The following FAM118B variants were observed in gnomAD, a reference collection of about 807,000 sequenced individuals.
The protein encoded by FAM118B is SIR2 antiphage like 1, also known as protein FAM118B.
A neutral mutation model predicts 38.5 loss-of-function variants in FAM118B; 24 were observed. The ratio of observed to expected loss-of-function variants is 0.62; its 90% CI spans 0.45 to 0.88. The LOEUF (loss-of-function observed/expected upper bound fraction) is 0.88. Among genes scored for constraint, FAM118B ranks in the 40% least tolerant of loss-of-function variants. The pLI is 0.00. For synonymous variants in FAM118B, 138 were observed against 156.3 expected (o/e 0.88, Z 0.87); for missense variants, 334 against 420.0 (o/e 0.80, Z 1.79).
At chr11:126,249,600 A>G (rs2135196351) in intron 4 of FAM118B, among the ~76,000 whole-genome samples, 1 of 152,060 alleles carries the variant, frequency 6.6e-6, no homozygotes, top group Non-Finnish European at 1.5e-5. Context: ...GCACAGTGGC[A>G]GGCGCCTGTA....
rs768983486 is a variant in FAM118B, at chr11:126,256,844, G to A, written c.974G>A (p.Gly325Asp). The A allele has an allele frequency of 9.3e-6, 15 of 1,609,576 alleles. No homozygotes were observed. Among genetic ancestry groups the A allele is most frequent in the Admixed American group, 5.1e-5 (3 of 59,264 alleles). ...KRLTCEISTR[G>D]TSAGMVREGQ... ...CTGACATGTGAGATCTCCACAAGGG[G>A]TACATCAGGTAAGATGCATTTTGAA... The change falls in exon 7 of 9, where the codon GGT (glycine) becomes GAT (aspartate). Residue 325 changes from glycine to aspartate, a missense_variant. Coordinates refer to ENST00000533050, the MANE Select transcript of FAM118B (RefSeq NM_024556.4). The surrounding 1 kb of genome is among the most constrained non-coding windows in gnomAD (Gnocchi z 6.6).
At chr11:126,234,924 A>T (rs2135156200) in intron 2 of FAM118B, 71 bp from the exon 3 acceptor site, 4 of 1,242,476 alleles carry the variant, frequency 3.2e-6, no homozygotes, top group East Asian at 4.8e-5. Context: ...TAAACTGTTT[A>T]ATATATGTGC....
Position 126,240,878 on chromosome 11 carries a change from A to C in FAM118B, c.173A>C (p.Gln58Pro). 2 of 1,614,190 alleles carry C rather than the reference A, an allele frequency of 1.2e-6. No homozygotes were observed. The highest frequency in any genetic ancestry group is 1.7e-6 in the Non-Finnish European group (2 of 1,180,030). Residue 58 changes from glutamine to proline, a missense_variant, in exon 4 of 9, where the codon CAA (glutamine) becomes CCA (proline). This residue lies in a region of FAM118B where 240 missense variants were observed against 295.9 expected (regional missense o/e 0.81). Transcript: ENST00000533050. ...GGCATTAGTGCTGCAGTTGCGCCCCAAGTTCCAGCCCTCAAATCCTGGAAG... is the reference window on the plus strand; with the variant it reads ...GGCATTAGTGCTGCAGTTGCGCCCCCAGTTCCAGCCCTCAAATCCTGGAAG... ...GTGISAAVAP[Q>P]VPALKSWKGL...
intron 4 of FAM118B, among the ~76,000 whole-genome samples, chr11:126,246,958 T>C (rs1264773522): frequency 1.3e-5 from 2 of 152,096 alleles, no homozygotes; most frequent in African/African-American, 2.4e-5. Flanking sequence ...AAAAAAACTT[T>C]CCAGCCTGGG....
intron 1 of FAM118B, among the ~76,000 whole-genome samples, chr11:126,224,593 T>C (rs1950114853): frequency 6.6e-6 from 1 of 150,596 alleles, no homozygotes; most frequent in African/African-American, 2.5e-5. Flanking sequence ...TGGTGGAGGG[T>C]ATAATTTTAA....
At chr11:126,227,815 T>A (rs1950162734) in intron 1 of FAM118B, among the ~76,000 whole-genome samples, 1 of 152,166 alleles carries the variant, frequency 6.6e-6, no homozygotes, top group Admixed American at 6.5e-5. Flanking sequence ...ATTTATTTAT[T>A]TTTGAGATGG....
At chr11:126,213,397 T>C (rs556610022) in intron 1 of FAM118B, among the ~76,000 whole-genome samples, 1 of 152,276 alleles carries the variant, frequency 6.6e-6, no homozygotes, top group South Asian at 2.1e-4. Flanking sequence ...TTGGGAAACA[T>C]CTGTTTCTCC....
intron 1 of FAM118B, chr11:126,214,193 CA>C (rs111316304): frequency 1.8e-4 from 26 of 142,488 alleles, no homozygotes; most frequent in African/African-American, 3.1e-4. Flanking sequence ...ACTAAAAATA[CA>C]AAAAAAAAAT....
intron 4 of FAM118B, among the ~76,000 whole-genome samples, chr11:126,245,979 G>A (rs1327742307): frequency 2.0e-5 from 3 of 149,766 alleles, no homozygotes; most frequent in Admixed American, 1.3e-4. Context: ...CTGGGCAACA[G>A]GTACGAGACT....
intron 2 of FAM118B, chr11:126,233,590 C>A: frequency 2.6e-6 from 1 of 377,400 alleles, no homozygotes; most frequent in South Asian, 2.0e-5. Flanking sequence ...CCCCAGCTTT[C>A]TCACCAACAG....
At chr11:126,235,551 C>T (rs1591512436) in intron 3 of FAM118B, among the ~76,000 whole-genome samples, 1 of 151,916 alleles carries the variant, frequency 6.6e-6, no homozygotes. Context: ...CAGAGTCTTG[C>T]TGTGTCGCCC....
Position 126,256,607 on chromosome 11 carries a change from T to A in FAM118B, c.737T>A (p.Phe246Tyr). Reference sequence around the variant, plus strand: ...CTCTACGAAAACAAGTCATTTCTTTTCCTGGGCTGTGGCTGGACTGTGGAT... The same window carrying A: ...CTCTACGAAAACAAGTCATTTCTTTACCTGGGCTGTGGCTGGACTGTGGAT... ...QKLYENKSFL[F>Y]LGCGWTVDDT... The change falls in exon 7 of 9, where the codon TTC becomes TAC. Residue 246 changes from phenylalanine (F) to tyrosine (Y), a missense_variant. Coordinates refer to ENST00000533050, the MANE Select transcript of FAM118B (RefSeq NM_024556.4). This position sits in a 1 kb window ranked among gnomAD's most constrained non-coding sequence, Gnocchi z 6.6. 6.2e-7 allele frequency: 1 copy of A among 1,614,152 alleles called. No homozygotes were observed. Among genetic ancestry groups the A allele is most frequent in the East Asian group, 2.2e-5 (1 of 44,884 alleles).
chr11:126,220,005 A>C (rs1351741691), intron 1 of FAM118B, among the ~76,000 whole-genome samples: 1 of 152,106 alleles, frequency 6.6e-6, no homozygotes, highest in Non-Finnish European at 1.5e-5. Flanking sequence ...TAATGAATGA[A>C]GTTTTTAGAA....
At position 126,235,190 on chromosome 11, in the gene FAM118B, A is replaced by T. The variant is rs1591512242; in HGVS notation, c.86+103A>T. On this transcript the variant is annotated intron_variant, in intron 3 of 8. Coordinates refer to ENST00000533050, the MANE Select transcript of FAM118B (RefSeq NM_024556.4). ...ATATCAGTTGTTTTCACTAATTAGT[A>T]TTGACCTTCATACTCAAAATTAAAT... 4 of 869,346 alleles carry T rather than the reference A, an allele frequency of 4.6e-6. No individual in the cohort carries two copies. In the East Asian group the frequency reaches 1.0e-4, roughly 22 times the overall value. 53.9% of individuals were successfully genotyped at this position (869,346 alleles called of 1,614,324 possible).
At chr11:126,222,506 A>G (rs1242908273) in intron 1 of FAM118B, among the ~76,000 whole-genome samples, 2 of 152,350 alleles carry the variant, frequency 1.3e-5, no homozygotes, top group Admixed American at 6.5e-5. Flanking sequence ...AAACAAATCT[A>G]TAGACTTTCA....
chr11:126,214,107 G>A (rs1300513387), intron 1 of FAM118B, among the ~76,000 whole-genome samples: 1 of 152,138 alleles, frequency 6.6e-6, no homozygotes, highest in Non-Finnish European at 1.5e-5. Context: ...CCAGCACTTT[G>A]GGAGGCTGAG....
intron 3 of FAM118B, 43 bp from the exon 4 acceptor site, chr11:126,240,749 T>A: frequency 6.5e-7 from 1 of 1,535,690 alleles, no homozygotes; most frequent in Non-Finnish European, 8.8e-7. Flanking sequence ...GTGCCTCATA[T>A]CTATTGGATA....
chr11:126,244,673 G>A lies in FAM118B; in HGVS notation c.339+3629G>A, dbSNP rs952016942. On this transcript the variant is annotated intron_variant, in intron 4 of 8. Coordinates refer to ENST00000533050, the MANE Select transcript of FAM118B (RefSeq NM_024556.4). The surrounding 1 kb of genome is among the most constrained non-coding windows in gnomAD (Gnocchi z 4.5). ...ACAAAAATTAGCTGAGCATGATGGCGGGTGCCTATAATCCCAGCTACTCGG... is the reference window on the plus strand; with the variant it reads ...ACAAAAATTAGCTGAGCATGATGGCAGGTGCCTATAATCCCAGCTACTCGG... Among the ~76,000 whole-genome samples the A allele has an allele frequency of 1.3e-5, 2 of 152,040 alleles. No individual in the cohort carries two copies. Among genetic ancestry groups the A allele is most frequent in the Non-Finnish European group, 2.9e-5 (2 of 68,014 alleles).
In FAM118B at chr11:126,240,891, C is replaced by T; in HGVS notation, c.186C>T (p.Leu62=). ...CAGTTGCGCCCCAAGTTCCAGCCCTCAAATCCTGGAAGGGGTTAATTCAGG... is the reference window on the plus strand; with the variant it reads ...CAGTTGCGCCCCAAGTTCCAGCCCTTAAATCCTGGAAGGGGTTAATTCAGG... ...SAAVAPQVPA[L]KSWKGLIQAL... is the part of the protein sequence containing the mutation. Residue 62 remains leucine, a synonymous_variant, in exon 4 of 9, where the codon CTC becomes CTT. Coordinates refer to ENST00000533050, the MANE Select transcript of FAM118B (RefSeq NM_024556.4). The T allele has an allele frequency of 6.2e-7, 1 of 1,614,200 alleles. No homozygotes were observed. The highest frequency in any genetic ancestry group is 1.1e-5 in the South Asian group (1 of 91,078).
Sources: gnomAD v4.1 joint callset for allele counts (sites outside exome capture counted in the v4.1 genomes callset) on GRCh38, gnomAD v4.1.1 for gene constraint, gnomAD v4.1.1 regional missense constraint, Gnocchi (gnomAD v3.1) non-coding constraint, MANE v1.5 for transcripts, NCBI Gene and HGNC (gene_info 2026-07-23, HGNC 2026-07-21) for gene names.